The following IDO2 variants were observed in gnomAD, a reference collection of about 807,000 sequenced individuals.
IDO2 encodes the protein indoleamine 2,3-dioxygenase-like 1 protein.
A neutral mutation model predicts 45.1 loss-of-function variants in IDO2; 46 were observed. The observed-to-expected ratio is 1.02, with a 90% CI of 0.80 to 1.30. IDO2 has a LOEUF of 1.30. Among genes scored for constraint, IDO2 ranks in the 50% most tolerant of loss-of-function variants. The pLI, the probability that IDO2 is intolerant of heterozygous loss-of-function variation, is 0.00. For synonymous variants in IDO2, 218 were observed against 184.9 expected, an observed-to-expected ratio of 1.18 and a Z score of -1.45; for missense variants, 544 against 491.8, an observed-to-expected ratio of 1.11 and a Z score of -1.00.
intron 3 of IDO2, among the ~76,000 whole-genome samples, chr8:39,969,463 C>T (rs1465818331): frequency 1.3e-5 from 2 of 152,286 alleles, no homozygotes; most frequent in Admixed American, 1.3e-4. Flanking sequence ...CTCTCTCCCC[C>T]TCCTCAGGCC....
chr8:39,997,921 A>AG (rs1455506447), intron 8 of IDO2: 1 of 218,952 alleles, frequency 4.6e-6, no homozygotes, highest in Non-Finnish European at 9.7e-6. Context: ...TACATAAGTC[A>AG]TAACATTTGT....
At chr8:39,979,663 T>C (rs1393031575) in intron 4 of IDO2, among the ~76,000 whole-genome samples, 1 of 152,098 alleles carries the variant, frequency 6.6e-6, no homozygotes, top group African/African-American at 2.4e-5. Context: ...TGAAGGGCCA[T>C]TTAAATGAAG....
intron 8 of IDO2, among the ~76,000 whole-genome samples, chr8:39,991,565 C>T (rs970387973): frequency 8.4e-4 from 87 of 103,334 alleles, no homozygotes; most frequent in African/African-American, 2.8e-3. Context: ...AGACTCACTT[C>T]TTTTTTTTTT....
intron 3 of IDO2, among the ~76,000 whole-genome samples, chr8:39,971,055 C>T (rs1034642589): frequency 5.9e-5 from 9 of 152,134 alleles, no homozygotes; most frequent in African/African-American, 4.8e-5. Context: ...TGAGCCACTG[C>T]GCCCGGCCCA....
intron 9 of IDO2, among the ~76,000 whole-genome samples, chr8:40,006,862 T>C (rs1439592776): frequency 6.6e-6 from 1 of 152,026 alleles, no homozygotes; most frequent in Non-Finnish European, 1.5e-5. Context: ...AGTATTGCCA[T>C]GTTAGTCAGG....
At chr8:39,979,391 G>C (rs144376218) in intron 4 of IDO2, among the ~76,000 whole-genome samples, 148 of 152,264 alleles carry the variant, frequency 9.7e-4, no homozygotes, top group African/African-American at 3.5e-3. Context: ...GTCTCACTCT[G>C]TCACTCAGGC....
chr8:39,961,625 A>G (rs947614878), intron 2 of IDO2, among the ~76,000 whole-genome samples: 5 of 152,022 alleles, frequency 3.3e-5, no homozygotes, highest in South Asian at 2.1e-4. Flanking sequence ...CCCAGCCCCA[A>G]TTGTATGTTT....
intron 2 of IDO2, among the ~76,000 whole-genome samples, chr8:39,961,585 G>C (rs1279720883): frequency 1.3e-5 from 2 of 152,072 alleles, no homozygotes; most frequent in Admixed American, 6.6e-5. Flanking sequence ...GCCTCCCCAA[G>C]TGCTGAAATT....
chr8:39,965,581 C>G (rs1371332283), intron 3 of IDO2, among the ~76,000 whole-genome samples: 1 of 152,132 alleles, frequency 6.6e-6, no homozygotes, highest in Non-Finnish European at 1.5e-5. Context: ...CATGTTCATG[C>G]ATAATCTGTG....
intron 3 of IDO2, among the ~76,000 whole-genome samples, chr8:39,975,089 C>A (rs183308131): frequency 4.6e-4 from 70 of 151,972 alleles, no homozygotes; most frequent in African/African-American, 1.7e-3. Flanking sequence ...TGTACTCCAG[C>A]CTGGGAAACA....
At chr8:39,939,539 T>A (rs1807610373) in intron 1 of IDO2, among the ~76,000 whole-genome samples, 1 of 93,726 alleles carries the variant, frequency 1.1e-5, no homozygotes, top group South Asian at 4.2e-4. Context: ...AGGGCGAGAC[T>A]CTGTCTCAAA....
At chr8:39,975,628 A>T (rs1808247781) in intron 3 of IDO2, among the ~76,000 whole-genome samples, 1 of 152,188 alleles carries the variant, frequency 6.6e-6, no homozygotes, top group Non-Finnish European at 1.5e-5. Flanking sequence ...GTCTGGCATG[A>T]ACAGGTATTG....
intron 7 of IDO2, among the ~76,000 whole-genome samples, chr8:39,989,465 C>A (rs143969983): frequency 0.013 from 1,948 of 152,236 alleles, 23 homozygotes; most frequent in Non-Finnish European, 0.017. Flanking sequence ...AATAATAGTA[C>A]TCAGGCCCTT....
intron 4 of IDO2, among the ~76,000 whole-genome samples, chr8:39,979,602 C>T (rs189343017): frequency 6.6e-6 from 1 of 152,170 alleles, no homozygotes; most frequent in Admixed American, 6.5e-5. Context: ...ATCTGCCTGC[C>T]TGGGCTTCCC....
chr8:39,942,215 T>A (rs1379609483), intron 1 of IDO2, among the ~76,000 whole-genome samples: 1 of 152,254 alleles, frequency 6.6e-6, no homozygotes, highest in East Asian at 1.9e-4. Context: ...ATTCATCATG[T>A]AATGTCTCTG....
At chr8:39,976,911 A>C (rs1428878228) in intron 3 of IDO2, among the ~76,000 whole-genome samples, 1 of 152,222 alleles carries the variant, frequency 6.6e-6, no homozygotes, top group African/African-American at 2.4e-5. Context: ...TTTTGTGCTC[A>C]TGTCCTCAAA....
intron 2 of IDO2, among the ~76,000 whole-genome samples, chr8:39,950,684 T>C (rs1337318762): frequency 6.6e-6 from 1 of 152,208 alleles, no homozygotes; most frequent in Non-Finnish European, 1.5e-5. Context: ...CCAGCTTCCA[T>C]TGGCTGGAAT....
intron 9 of IDO2, 49 bp downstream of exon 9, chr8:40,005,427 CTG>C: frequency 8.0e-7 from 1 of 1,246,504 alleles, no homozygotes; most frequent in Non-Finnish European, 1.1e-6. Flanking sequence ...GTAGCATTGA[CTG>C]AATGTATAAG....
intron 2 of IDO2, among the ~76,000 whole-genome samples, chr8:39,956,879 C>A (rs1430712073): frequency 6.6e-6 from 1 of 151,244 alleles, no homozygotes; most frequent in Non-Finnish European, 1.5e-5. Flanking sequence ...ACTGTCTCTA[C>A]TAAAAAGACA....
Sources: gnomAD v4.1 joint callset for allele counts (sites outside exome capture counted in the v4.1 genomes callset) on GRCh38, gnomAD v4.1.1 for gene constraint, MANE v1.5 for transcripts, NCBI Gene and HGNC (gene_info 2026-07-23, HGNC 2026-07-21) for gene names.